The following AP3D1 variants were observed in gnomAD, a reference collection of about 807,000 sequenced individuals.
AP3D1 encodes AP-3 complex subunit delta-1.
AP3D1 carries 51 observed loss-of-function variants against 147.6 expected under a neutral mutation model. That is an observed-to-expected ratio of 0.35 (90% CI 0.28 to 0.44). AP3D1 has a LOEUF of 0.44. AP3D1 is among the 20% of genes least tolerant of loss of function. The pLI is 1.00. For missense variants in AP3D1, 1,421 were observed against 1,624.2 expected, an observed-to-expected ratio of 0.87 and a Z score of 2.15; for synonymous variants, 760 against 663.0, an observed-to-expected ratio of 1.15 and a Z score of -2.25.
chr19:2,102,710 A>T (rs1454031561), intron 31 of AP3D1, among the ~76,000 whole-genome samples: 3 of 150,436 alleles, frequency 2.0e-5, no homozygotes, highest in Non-Finnish European at 4.4e-5. Context: ...CCTGGGCGAC[A>T]CAGCGAGACT....
intron 9 of AP3D1, among the ~76,000 whole-genome samples, chr19:2,126,417 A>T (rs1406945170): frequency 1.3e-5 from 2 of 152,140 alleles, no homozygotes. Flanking sequence ...GCACTTTGGG[A>T]GGCCGAGGCA....
chr19:2,138,166 G>C (rs939164465), intron 2 of AP3D1, among the ~76,000 whole-genome samples: 2 of 152,168 alleles, frequency 1.3e-5, no homozygotes, highest in African/African-American at 4.8e-5. Context: ...CGAGCCCTTT[G>C]TCTCGTCCTC....
At chr19:2,124,381 C>T (rs552618106) in intron 9 of AP3D1, among the ~76,000 whole-genome samples, 1 of 152,342 alleles carries the variant, frequency 6.6e-6, no homozygotes, top group Non-Finnish European at 1.5e-5. Flanking sequence ...GGAGCCATTC[C>T]CCTTTGCTGA....
upstream of AP3D1, among the ~76,000 whole-genome samples, chr19:2,152,885 AAAAC>A (rs2019584313): frequency 6.6e-6 from 1 of 151,898 alleles, no homozygotes; most frequent in South Asian, 2.1e-4. Flanking sequence ...TCAAAAAAAC[AAAAC>A]AAACCAAAAA....
chr19:2,123,274 C>T, intron 11 of AP3D1, 84 bp downstream of exon 11: 1 of 1,371,540 alleles, frequency 7.3e-7, no homozygotes, highest in African/African-American at 1.4e-5. Context: ...ATGCCGTGTC[C>T]ACTTCCTCCT....
At chr19:2,121,413 G>C in intron 12 of AP3D1, 102 bp from the exon 13 acceptor site, 6 of 1,417,956 alleles carry the variant, frequency 4.2e-6, no homozygotes, top group Non-Finnish European at 5.8e-6. Context: ...ACGGGACACA[G>C]GCGGACCCGG....
Position 2,115,037 on chromosome 19 carries a change from T to C in AP3D1, c.2349+182A>G, listed in dbSNP as rs2240653. 0.82 allele frequency among the ~76,000 whole-genome samples: 124,176 copies of C among 152,208 alleles called. 50,883 individuals carry two copies. Among genetic ancestry groups the C allele is most frequent in the South Asian group, 0.88 (4,249 of 4,822 alleles). ...CATCTGCCTCTGAAGCTGCTGGCCC[T>C]GGGGCGGTGCGTCGGGACGCGTGCT... On this transcript the variant is annotated intron_variant, in intron 20 of 31. Transcript: ENST00000643116.
At chr19:2,116,884 C>G (rs761029580) in intron 16 of AP3D1, 138 bp from the exon 17 acceptor site, 2 of 1,195,600 alleles carry the variant, frequency 1.7e-6, no homozygotes, top group African/African-American at 1.5e-5. Flanking sequence ...ACAGGGCCAG[C>G]GAGGCAGGTG....
chr19:2,102,728 AAAATAAATAAATAAATAAATAAATAAAT>A (rs148548478), intron 31 of AP3D1, among the ~76,000 whole-genome samples: 8 of 129,644 alleles, frequency 6.2e-5, no homozygotes, highest in South Asian at 2.6e-4. Flanking sequence ...ACTGTCTCAA[AAAATAAATAAATAAATAAATAAATAAAT>A]AAATAAATAA....
chr19:2,103,350 G>A (rs142440675), intron 31 of AP3D1, among the ~76,000 whole-genome samples: 21 of 152,250 alleles, frequency 1.4e-4, no homozygotes, highest in East Asian at 1.2e-3. Context: ...AGAGGCAGCC[G>A]GGGATGAAGA....
intron 27 of AP3D1, 36 bp downstream of exon 27, chr19:2,110,671 G>C (rs1056638213): frequency 1.3e-6 from 2 of 1,531,754 alleles, no homozygotes; most frequent in Admixed American, 2.0e-5. Context: ...CGCTCCCACA[G>C]TCCCCAGGAG....
At chr19:2,115,693 C>T (rs975605697) in intron 18 of AP3D1, 80 bp from the exon 19 acceptor site, 12 of 1,429,552 alleles carry the variant, frequency 8.4e-6, no homozygotes, top group Admixed American at 6.0e-5. Context: ...ATGCAGGGAG[C>T]GTGACGCAGC....
intron 1 of AP3D1, among the ~76,000 whole-genome samples, chr19:2,142,897 T>C (rs1030854813): frequency 2.0e-5 from 3 of 152,162 alleles, no homozygotes; most frequent in African/African-American, 7.2e-5. Flanking sequence ...CCCAAGTAGC[T>C]GGGATTACAG....
intron 1 of AP3D1, among the ~76,000 whole-genome samples, chr19:2,143,570 G>A (rs1249741975): frequency 6.6e-6 from 1 of 151,850 alleles, no homozygotes; most frequent in Non-Finnish European, 1.5e-5. Context: ...TTTTTGTGTA[G>A]AGAGGAGGTT....
At chr19:2,135,512 G>T (rs2019052658) in intron 4 of AP3D1, among the ~76,000 whole-genome samples, 1 of 152,184 alleles carries the variant, frequency 6.6e-6, no homozygotes. Context: ...CTCCAGCCTG[G>T]GCAATAGAGT....
chr19:2,153,919 C>T (rs1053787041), upstream of AP3D1, among the ~76,000 whole-genome samples: 4 of 84,646 alleles, frequency 4.7e-5, no homozygotes, highest in Non-Finnish European at 7.6e-5. Flanking sequence ...CCGCTCACTG[C>T]GGCCTCTGCC....
chr19:2,151,754 T>A (rs533217851), upstream of AP3D1, among the ~76,000 whole-genome samples: 1 of 152,226 alleles, frequency 6.6e-6, no homozygotes, highest in Non-Finnish European at 1.5e-5. Flanking sequence ...GCCCCAAAAC[T>A]TGCGCTCTCA....
intron 9 of AP3D1, among the ~76,000 whole-genome samples, chr19:2,124,577 G>A (rs2018699737): frequency 6.6e-6 from 1 of 152,220 alleles, no homozygotes; most frequent in Non-Finnish European, 1.5e-5. Context: ...GTGTGTGCGT[G>A]TGCGTGTGCA....
At chr19:2,136,014 G>A (rs113993010) in intron 4 of AP3D1, among the ~76,000 whole-genome samples, 3,335 of 150,766 alleles carry the variant, frequency 0.022, 75 homozygotes, top group South Asian at 0.063. Flanking sequence ...CCCGCTACAC[G>A]GCCACGACCC....
Sources: gnomAD v4.1 joint callset for allele counts (sites outside exome capture counted in the v4.1 genomes callset) on GRCh38, gnomAD v4.1.1 for gene constraint, MANE v1.5 for transcripts, NCBI Gene and HGNC (gene_info 2026-07-23, HGNC 2026-07-21) for gene names.